The following NOTCH3 variants were observed in gnomAD, a reference collection of about 807,000 sequenced individuals.
NOTCH3 encodes the protein notch receptor 3.
A neutral mutation model predicts 213.3 loss-of-function variants in NOTCH3; 86 were observed. The observed-to-expected ratio is 0.40, with a 90% CI of 0.34 to 0.48. The LOEUF (loss-of-function observed/expected upper bound fraction) is 0.48. Ranked by LOEUF, NOTCH3 falls within the 20% of genes least tolerant of loss-of-function variation. The probability of loss-of-function intolerance (pLI) is 0.57; values close to 1 mark genes in which losing one functional copy is unlikely to be tolerated. For missense variants in NOTCH3, 2,783 were observed against 3,272.6 expected (o/e 0.85, Z 3.65); for synonymous variants, 1,354 against 1,355.9 (o/e 1.00, Z 0.03).
At chr19:15,198,980 C>G (rs1240850583) in intron 1 of NOTCH3, among the ~76,000 whole-genome samples, 1 of 152,140 alleles carries the variant, frequency 6.6e-6, no homozygotes, top group Admixed American at 6.5e-5. Flanking sequence ...ATCTGTCGAG[C>G]TGAACCTGAG....
In NOTCH3 at chr19:15,160,777, G is replaced by C; in HGVS notation, c.6851C>G (p.Thr2284Ser). Residue 2284 changes from threonine (T) to serine (S), a missense_variant, in exon 33 of 33, where the codon ACT becomes AGT. By Grantham distance (58) the Thr-to-Ser change is moderately conservative (BLOSUM62 1). This residue lies in a region of NOTCH3 where 441 missense variants were observed against 432.1 expected (regional missense o/e 1.02). Coordinates refer to ENST00000263388, the MANE Select transcript of NOTCH3 (RefSeq NM_000435.3). The part of the protein sequence containing the change: ...ATATGAMATT[T>S]GALPAQPLPL... The stretch of plus-strand genomic sequence containing the variant: ...AAGTGGCTGGGCAGGCAGTGCCCCA[G>C]TGGTGGTGGCCATGGCCCCAGTGGC... 6.2e-7 allele frequency: 1 copy of C among 1,613,904 alleles called. No homozygotes were observed. Among genetic ancestry groups the C allele is most frequent in the Non-Finnish European group, 8.5e-7 (1 of 1,179,750 alleles).
At chr19:15,177,263 A>T (rs2046799052) in intron 24 of NOTCH3, among the ~76,000 whole-genome samples, 2 of 150,312 alleles carry the variant, frequency 1.3e-5, no homozygotes, top group African/African-American at 5.0e-5. Flanking sequence ...AAAAAAAAAA[A>T]AAGTAATTAT....
rs1193874164 is a variant in NOTCH3, at chr19:15,200,962, C to T, written c.-57G>A. 7.6e-5 allele frequency: 17 copies of T among 222,498 alleles called. No individual in the cohort carries two copies. The East Asian group carries it at 1.2e-3, about 16-fold the overall frequency. 13.8% of individuals were successfully genotyped at this position (222,498 alleles called of 1,614,324 possible). A position where few individuals can be genotyped will look rare whatever the true frequency, so the allele number is the denominator to read the frequency against. On this transcript the variant is annotated 5_prime_UTR_variant, in exon 1 of 33. Transcript: ENST00000263388. ...CCTTCCCTGGGCTCCGGGCGCGTCCCGGGCCAGCCTCCGCGCCGCCAACTT... is the reference window on the plus strand; with the variant it reads ...CCTTCCCTGGGCTCCGGGCGCGTCCTGGGCCAGCCTCCGCGCCGCCAACTT...
intron 25 of NOTCH3, among the ~76,000 whole-genome samples, chr19:15,172,857 G>A (rs928016734): frequency 1.3e-5 from 2 of 151,014 alleles, no homozygotes; most frequent in East Asian, 3.9e-4. Context: ...AGTAGAGACA[G>A]GGTTTTGCCA....
Position 15,180,968 on chromosome 19 carries a change from T to G in NOTCH3, c.2987A>C (p.Gln996Pro), listed in dbSNP as rs778799263. The change falls in exon 18 of 33, where the codon CAG becomes CCG. Residue 996 changes from glutamine (Q) to proline (P), a missense_variant. Gln to Pro is a moderately conservative substitution (Grantham distance 76). Coordinates refer to ENST00000263388, the MANE Select transcript of NOTCH3 (RefSeq NM_000435.3). ...CCCAGTAACTCCACCCACCTGGCAC[T>G]GCGGGCCCGTGAAGCTCTCGAGGCA... ...CTCLESFTGP[Q>P]CQTLVDWCSR... is the part of the protein sequence containing the mutation. 1 of 1,591,094 alleles carries G rather than the reference T, an allele frequency of 6.3e-7. No individual in the cohort carries two copies.
rs2145418123 is a variant in NOTCH3 at position 15,179,193 on chromosome 19, C to T, written c.3550G>A (p.Asp1184Asn). The T allele has an allele frequency of 6.2e-7, 1 of 1,614,108 alleles. No homozygotes were observed. Residue 1184 changes from aspartate (D) to asparagine (N), a missense_variant, in exon 22 of 33, where the codon GAC becomes AAC. Around this residue, in one of 6 missense-constraint regions of NOTCH3, gnomAD observed 861 missense variants for 909.1 expected, o/e 0.95. Coordinates refer to ENST00000263388, the MANE Select transcript of NOTCH3 (RefSeq NM_000435.3). The stretch of plus-strand genomic sequence containing the variant: ...GTGCAGCGGAAACCACCCACCAGGT[C>T]CACGCAGGTGCCATTGTGTAGGCAC... ...PRCLHNGTCV[D>N]LVGGFRCTCP...
Position 15,177,997 on chromosome 19 carries a change from GC to G in NOTCH3, c.3930del (p.Pro1311ArgfsTer109). ...VGVPCQQTPR[G>X]PRCACPPGLS... ...AACCCTGGGGGGCAGGCGCAGCGCG[GC>G]CCGCGGGGCGTCTGCTGGCATGGGA... On this transcript the variant is annotated frameshift_variant, in exon 24 of 33. Coordinates refer to ENST00000263388, the MANE Select transcript of NOTCH3 (RefSeq NM_000435.3). LOFTEE classifies it high-confidence loss of function. The G allele has an allele frequency of 6.9e-7, 1 of 1,459,824 alleles. No individual in the cohort carries two copies. Among genetic ancestry groups the G allele is most frequent in the South Asian group, 1.3e-5 (1 of 76,518 alleles). 90.4% of individuals were successfully genotyped at this position (1,459,824 alleles called of 1,614,324 possible). A position where few individuals can be genotyped will look rare whatever the true frequency, so the allele number is the denominator to read the frequency against.
chr19:15,162,636 G>T (rs2145386146), intron 31 of NOTCH3, 74 bp from the exon 32 acceptor site: 1 of 1,115,164 alleles, frequency 9.0e-7, no homozygotes, highest in Non-Finnish European at 1.4e-6. Flanking sequence ...GGCAGAAATT[G>T]TCTAGAATGT....
intron 15 of NOTCH3, 25 bp from the exon 16 acceptor site, chr19:15,184,475 C>A (rs1355820177): frequency 6.2e-7 from 1 of 1,612,644 alleles, no homozygotes; most frequent in African/African-American, 1.3e-5. Flanking sequence ...CAAGGTTACA[C>A]CTAGGGTTAC....
At chr19:15,179,343 C>A (rs993840107) in intron 21 of NOTCH3, 21 bp downstream of exon 21, 4 of 1,610,980 alleles carry the variant, frequency 2.5e-6, no homozygotes, top group Non-Finnish European at 3.4e-6. Context: ...TCCTGTCCCC[C>A]CAACCCTGGC....
At chr19:15,200,094 G>A (rs1487939582) in intron 1 of NOTCH3, among the ~76,000 whole-genome samples, 1 of 151,496 alleles carries the variant, frequency 6.6e-6, no homozygotes, top group African/African-American at 2.4e-5. Context: ...TCTGGCCGCG[G>A]GGAGGGGGCG....
intron 24 of NOTCH3, among the ~76,000 whole-genome samples, chr19:15,176,903 T>C (rs972258754): frequency 6.7e-6 from 1 of 148,674 alleles, no homozygotes; most frequent in Non-Finnish European, 1.5e-5. Context: ...AAACCCTGTC[T>C]CTACTAAAAA....
rs2145436590 is a variant in NOTCH3 at position 15,189,189 on chromosome 19, G to A, written c.1193-15C>T. The A allele has an allele frequency of 6.2e-7, 1 of 1,613,266 alleles. No individual in the cohort carries two copies. Among genetic ancestry groups the A allele is most frequent in the South Asian group, 1.1e-5 (1 of 91,084 alleles). ...GGGGTTGGCGCCTGCCGGATGGAGT[G>A]CGATCGGTGTGGGCGTGGCTGGCCG... On this transcript the variant is annotated splice_polypyrimidine_tract_variant and intron_variant, in intron 7 of 32. Coordinates refer to ENST00000263388, the MANE Select transcript of NOTCH3 (RefSeq NM_000435.3).
chr19:15,177,821 C>A lies in NOTCH3; in HGVS notation c.4107G>T (p.Gly1369=). 8.2e-7 allele frequency: 1 copy of A among 1,216,272 alleles called. No homozygotes were observed. The highest frequency in any genetic ancestry group is 1.0e-6 in the Non-Finnish European group (1 of 980,378). 75.3% of individuals were successfully genotyped at this position (1,216,272 alleles called of 1,614,324 possible). The change falls in exon 24 of 33, where the codon GGG becomes GGT. Residue 1369 remains glycine (G), a synonymous_variant. Transcript: ENST00000263388. ...CCGCGGCGGGCGCCTCGCAGCGCGG[C>A]CCGGTCCAGCCCTGCGCGCAAGCGC... ...FRCACAQGWT[G]PRCEAPAAAP...
At chr19:15,171,808 T>G (rs1021043427) in intron 25 of NOTCH3, among the ~76,000 whole-genome samples, 1 of 152,228 alleles carries the variant, frequency 6.6e-6, no homozygotes, top group African/African-American at 2.4e-5. Flanking sequence ...TAGCTGGGAT[T>G]ACAGGCACGC....
intron 1 of NOTCH3, among the ~76,000 whole-genome samples, chr19:15,198,477 A>T (rs1156360362): frequency 6.6e-6 from 1 of 152,204 alleles, no homozygotes; most frequent in African/African-American, 2.4e-5. Flanking sequence ...GCGGCCAGGC[A>T]TGGTGGCTCA....
At position 15,181,633 on chromosome 19, in the gene NOTCH3, C is replaced by G; in HGVS notation, c.2735G>C (p.Cys912Ser). Residue 912 changes from cysteine to serine, a missense_variant, in exon 17 of 33, where the codon TGC (cysteine) becomes TCC (serine). Cys to Ser is a moderately radical substitution (Grantham distance 112). This residue lies in a region of NOTCH3 where 861 missense variants were observed against 909.1 expected (regional missense o/e 0.95). Transcript: ENST00000263388. ...TDHVASFTCTCPPGYGGFHCE... is the reference protein window; with the variant it reads ...TDHVASFTCTSPPGYGGFHCE... ...GTGGAAGCCTCCGTAGCCTGGCGGG[C>G]AGGTGCAGGTGAAGGAGGCCACGTG... is the stretch of plus-strand genomic sequence containing the variant. 1.3e-6 allele frequency: 2 copies of G among 1,551,436 alleles called. No individual in the cohort carries two copies. Among genetic ancestry groups the G allele is most frequent in the Non-Finnish European group, 1.7e-6 (2 of 1,147,234 alleles).
intron 16 of NOTCH3, among the ~76,000 whole-genome samples, chr19:15,183,407 TGTTC>T (rs962009816): frequency 3.3e-5 from 5 of 151,954 alleles, no homozygotes; most frequent in African/African-American, 9.7e-5. Context: ...TTTGTTTGTT[TGTTC>T]GTTTTTGAGA....
At position 15,181,476 on chromosome 19, in the gene NOTCH3, C is replaced by A. The variant is rs1385176947; in HGVS notation, c.2792+100G>T. 5.1e-6 allele frequency: 5 copies of A among 984,486 alleles called. No individual in the cohort carries two copies. The African/African-American group carries it at 6.4e-5, about 13-fold the overall frequency. The allele number at this position is 984,486 out of a possible 1,614,324, so 61.0% of individuals were successfully genotyped here. ...ATCAGAGTCCGCAGTGGGTACCAAGCTGAGGACTCCCCCAAGTCGTTGCTG... is the reference window on the plus strand; with the variant it reads ...ATCAGAGTCCGCAGTGGGTACCAAGATGAGGACTCCCCCAAGTCGTTGCTG... On this transcript the variant is annotated intron_variant, in intron 17 of 32. Transcript: ENST00000263388.
Sources: gnomAD v4.1 joint callset for allele counts (sites outside exome capture counted in the v4.1 genomes callset) on GRCh38, gnomAD v4.1.1 for gene constraint, gnomAD v4.1.1 regional missense constraint, MANE v1.5 for transcripts, NCBI Gene and HGNC (gene_info 2026-07-23, HGNC 2026-07-21) for gene names.